The following PRKAR1A variants were observed in gnomAD, a reference collection of about 807,000 sequenced individuals.
The protein encoded by PRKAR1A is protein kinase cAMP-dependent type I regulatory subunit alpha.
Under a neutral mutation model 52.0 loss-of-function variants are expected in PRKAR1A, and 3 were observed. That is an observed-to-expected ratio of 0.06 (90% confidence interval 0.03 to 0.15). PRKAR1A has a LOEUF of 0.15. Among genes scored for constraint, PRKAR1A ranks in the 10% least tolerant of loss-of-function variants. The pLI is 1.00. For missense variants in PRKAR1A, 240 were observed against 477.4 expected (o/e 0.50, Z 4.63); for synonymous variants, 188 against 168.4 (o/e 1.12, Z -0.90).
the PRKAR1A span, among the ~76,000 whole-genome samples, chr17:68,480,147 T>C: frequency 3.3e-5 from 5 of 152,346 alleles, no homozygotes; most frequent in African/African-American, 9.6e-5. Context: ...TTGAAAAAAA[T>C]ATAGCAGTTC....
At chr17:68,486,739 T>G in the PRKAR1A span, among the ~76,000 whole-genome samples, 2 of 151,744 alleles carry the variant, frequency 1.3e-5, no homozygotes, top group Admixed American at 1.3e-4. Context: ...GAATGAAACT[T>G]GAGCTGAAAA....
downstream of PRKAR1A, among the ~76,000 whole-genome samples, chr17:68,534,206 AC>A (rs2086046637): frequency 6.6e-6 from 1 of 152,122 alleles, no homozygotes; most frequent in Non-Finnish European, 1.5e-5. Context: ...TACACCTAAA[AC>A]CAAAACCACT....
chr17:68,483,752 T>C, the PRKAR1A span, among the ~76,000 whole-genome samples: 583 of 151,998 alleles, frequency 3.8e-3, 6 homozygotes, highest in Admixed American at 8.1e-3. Flanking sequence ...TCCCAGCTAC[T>C]TGGGAGGCTG....
the PRKAR1A span, among the ~76,000 whole-genome samples, chr17:68,419,709 C>T: frequency 0.017 from 2,550 of 151,988 alleles, 81 homozygotes; most frequent in African/African-American, 0.059. Flanking sequence ...CTGATAATCC[C>T]AGCATTTTGG....
rs1421637069 is a variant in PRKAR1A, at chr17:68,532,977, ATT to A, written c.*2530_*2531del. The A allele has an allele frequency of 3.8e-6, 4 of 1,065,844 alleles. No individual in the cohort carries two copies. Among genetic ancestry groups the A allele is most frequent in the Admixed American group, 1.1e-4 (2 of 18,758 alleles). 66.0% of individuals were successfully genotyped at this position (1,065,844 alleles called of 1,614,324 possible). A position where few individuals can be genotyped will look rare whatever the true frequency, so the allele number is the denominator to read the frequency against. Reference sequence around the variant, plus strand: ...TTAAAGGGTAATTGAGATGTAGCAGATTTATTTACTTAGTCATGGAAAGAAAA... The same window carrying A: ...TTAAAGGGTAATTGAGATGTAGCAGATATTTACTTAGTCATGGAAAGAAAA... On this transcript the variant is annotated 3_prime_UTR_variant, in exon 11 of 11. Coordinates refer to ENST00000589228, the MANE Select transcript of PRKAR1A (RefSeq NM_002734.5).
At chr17:68,485,737 A>G in the PRKAR1A span, among the ~76,000 whole-genome samples, 2 of 152,138 alleles carry the variant, frequency 1.3e-5, no homozygotes, top group African/African-American at 4.8e-5. Flanking sequence ...AAAGAAACAT[A>G]CTTTAAGTTT....
intron 5 of PRKAR1A, among the ~76,000 whole-genome samples, chr17:68,524,545 T>C (rs1052140450): frequency 2.0e-5 from 3 of 152,206 alleles, no homozygotes; most frequent in African/African-American, 4.8e-5. Context: ...TATTTTCTTA[T>C]TTATTCTTGA....
At chr17:68,503,643 A>G in the PRKAR1A span, among the ~76,000 whole-genome samples, 3 of 152,252 alleles carry the variant, frequency 2.0e-5, no homozygotes, top group Non-Finnish European at 4.4e-5. Context: ...AAGCAAACAT[A>G]TGGAGACAGA....
At chr17:68,488,767 G>T in the PRKAR1A span, among the ~76,000 whole-genome samples, 2 of 151,040 alleles carry the variant, frequency 1.3e-5, no homozygotes, top group African/African-American at 4.9e-5. Context: ...AGCCAGCGTG[G>T]GCTTCTCCAT....
the PRKAR1A span, among the ~76,000 whole-genome samples, chr17:68,494,268 G>T: frequency 6.6e-6 from 1 of 152,050 alleles, no homozygotes. Flanking sequence ...GGCCGAGTGT[G>T]GTGGCTCATG....
At chr17:68,544,927 C>CT (rs1219162169) in intron 11 of PRKAR1A, among the ~76,000 whole-genome samples, 1 of 152,050 alleles carries the variant, frequency 6.6e-6, no homozygotes, top group Non-Finnish European at 1.5e-5. Context: ...GTTGTTTTTA[C>CT]TTTAGATCAG....
At chr17:68,528,285 C>A (rs1455107333) in intron 8 of PRKAR1A, among the ~76,000 whole-genome samples, 1 of 152,146 alleles carries the variant, frequency 6.6e-6, no homozygotes, top group Non-Finnish European at 1.5e-5. Flanking sequence ...AGAACTTGTT[C>A]TTCATGAAAG....
At chr17:68,436,297 ACGGCAGG>A in the PRKAR1A span, 1 of 1,266,470 alleles carries the variant, frequency 7.9e-7, no homozygotes, top group African/African-American at 1.5e-5. Flanking sequence ...CCAGCCCCCG[ACGGCAGG>A]GCGTCCTTAT....
chr17:68,478,934 G>T, the PRKAR1A span, among the ~76,000 whole-genome samples: 421 of 152,204 alleles, frequency 2.8e-3, no homozygotes, highest in Non-Finnish European at 4.3e-3. Context: ...CACCATGTTG[G>T]TCAGGCTGGT....
Position 68,516,030 on chromosome 17 carries a change from T to C in PRKAR1A, c.177+454T>C, listed in dbSNP as rs138204375. On this transcript the variant is annotated intron_variant, in intron 2 of 10. Transcript: ENST00000589228. ...ACATGAATCTAGCTTGTGACTGATA[T>C]ATCAGAAATTTTCAATTAGATTCGG... Among the ~76,000 whole-genome samples, 234 of 152,334 alleles carry C rather than the reference T, an allele frequency of 1.5e-3. 1 individual carries two copies. The highest frequency in any genetic ancestry group is 5.2e-3 in the African/African-American group (215 of 41,580).
downstream of PRKAR1A, among the ~76,000 whole-genome samples, chr17:68,534,559 C>A (rs1314688979): frequency 1.3e-5 from 1 of 77,726 alleles, no homozygotes; most frequent in Non-Finnish European, 2.3e-5. Context: ...CTTTTTAGTG[C>A]CTTTTTTTTT....
At chr17:68,485,863 C>T in the PRKAR1A span, among the ~76,000 whole-genome samples, 1 of 152,082 alleles carries the variant, frequency 6.6e-6, no homozygotes, top group Non-Finnish European at 1.5e-5. Context: ...CTCAGTCTCC[C>T]AAGTAGCGGG....
chr17:68,435,986 G>A, the PRKAR1A span, among the ~76,000 whole-genome samples: 1 of 152,348 alleles, frequency 6.6e-6, no homozygotes, highest in Non-Finnish European at 1.5e-5. Context: ...TCGCAGGCGC[G>A]CCCTGCACGC....
At chr17:68,464,131 T>C in the PRKAR1A span, among the ~76,000 whole-genome samples, 1 of 152,194 alleles carries the variant, frequency 6.6e-6, no homozygotes, top group Non-Finnish European at 1.5e-5. Context: ...AAACTGTGTT[T>C]AACCCAAGGC....
Sources: allele counts gnomAD v4.1 joint callset (sites outside exome capture counted in the v4.1 genomes callset), GRCh38; gene constraint gnomAD v4.1.1; transcripts MANE v1.5; gene names NCBI Gene and HGNC (gene_info 2026-07-23, HGNC 2026-07-21).